The following TAOK1 variants were observed in gnomAD, a reference collection of about 807,000 sequenced individuals.
TAOK1 encodes the protein TAO kinase 1.
In TAOK1, 21 loss-of-function variants were observed where a neutral mutation model predicts 138.3. That is an observed-to-expected ratio of 0.15 (90% confidence interval 0.11 to 0.22). The LOEUF (loss-of-function observed/expected upper bound fraction) is 0.22, where lower values mean the gene tolerates loss of function less well. Ranked by LOEUF, TAOK1 falls within the 10% of genes least tolerant of loss-of-function variation. The probability of loss-of-function intolerance (pLI) is 1.00; values close to 1 mark genes in which losing one functional copy is unlikely to be tolerated. For synonymous variants in TAOK1, 361 were observed against 398.4 expected (o/e 0.91, Z 1.12); for missense variants, 651 against 1,227.7 (o/e 0.53, Z 7.02).
chr17:29,446,813 A>G (rs1350233855), intron 1 of TAOK1, among the ~76,000 whole-genome samples: 1 of 147,128 alleles, frequency 6.8e-6, no homozygotes, highest in Non-Finnish European at 1.5e-5. Context: ...ATCTCAGCTC[A>G]CTGCAGCCTC....
At chr17:29,424,455 A>AG (rs1338800115) in intron 1 of TAOK1, among the ~76,000 whole-genome samples, 5 of 151,642 alleles carry the variant, frequency 3.3e-5, no homozygotes, top group African/African-American at 1.2e-4. Flanking sequence ...AAAAAAAAAA[A>AG]AAAGACAAAT....
Position 29,530,542 on chromosome 17 carries a change from G to A in TAOK1, c.2284G>A (p.Glu762Lys). 1 of 1,614,144 alleles carries A rather than the reference G, an allele frequency of 6.2e-7. No homozygotes were observed. The highest frequency in any genetic ancestry group is 8.5e-7 in the Non-Finnish European group (1 of 1,180,050). Residue 762 changes from glutamate to lysine, a missense_variant, in exon 18 of 20, where the codon GAG (glutamate) becomes AAG (lysine). Transcript: ENST00000261716. Reference protein sequence around the residue: ...EHKAVLKRLKEEQTRKLAILA... With the variant: ...EHKAVLKRLKKEQTRKLAILA... The stretch of plus-strand genomic sequence containing the variant: ...CAAAGCTGTTCTGAAACGGCTCAAG[G>A]AGGAACAGACCCGGAAATTAGCTAT...
chr17:29,415,899 G>C (rs1905254064), intron 1 of TAOK1, among the ~76,000 whole-genome samples: 1 of 152,130 alleles, frequency 6.6e-6, no homozygotes, highest in South Asian at 2.1e-4. Flanking sequence ...GGTTTTTCTT[G>C]CTTCAAATAT....
chr17:29,404,791 A>G (rs868761452), intron 1 of TAOK1, among the ~76,000 whole-genome samples: 1 of 152,332 alleles, frequency 6.6e-6, no homozygotes, highest in Non-Finnish European at 1.5e-5. Flanking sequence ...CTGTGTCTAA[A>G]TAAATAAATA....
Position 29,480,380 on chromosome 17 carries a change from A to G in TAOK1, c.462A>G (p.Ala154=). 2 of 1,612,280 alleles carry G rather than the reference A, an allele frequency of 1.2e-6. No homozygotes were observed. Among genetic ancestry groups the G allele is most frequent in the African/African-American group, 1.3e-5 (1 of 75,006 alleles). Reference sequence around the variant, plus strand: ...TCCCTAAACCTAGAGATATCAAAGCAGGAAATATCCTTCTGACAGAACCAG... The same window carrying G: ...TCCCTAAACCTAGAGATATCAAAGCGGGAAATATCCTTCTGACAGAACCAG... ...SHTMIHRDIK[A]GNILLTEPGQ... is the part of the protein sequence containing the mutation. The change falls in exon 7 of 20, where the codon GCA becomes GCG. Residue 154 remains alanine (A), a synonymous_variant. Transcript: ENST00000261716.
At chr17:29,414,994 C>T (rs116300728) in intron 1 of TAOK1, among the ~76,000 whole-genome samples, 1,633 of 151,874 alleles carry the variant, frequency 0.011, 37 homozygotes, top group African/African-American at 0.037. Flanking sequence ...AACGGAATTT[C>T]GCTCTGTTGC....
intron 1 of TAOK1, among the ~76,000 whole-genome samples, chr17:29,395,938 G>A (rs1904587236): frequency 6.7e-6 from 1 of 148,508 alleles, no homozygotes; most frequent in Non-Finnish European, 1.5e-5. Context: ...AAAGTGCTGA[G>A]ATTACAGACA....
chr17:29,392,811 A>G (rs534260828), intron 1 of TAOK1, among the ~76,000 whole-genome samples: 1 of 152,310 alleles, frequency 6.6e-6, no homozygotes, highest in East Asian at 1.9e-4. Context: ...AATGCCATCT[A>G]CATTTTATGT....
At chr17:29,489,143 G>A (rs2031243771) in intron 8 of TAOK1, among the ~76,000 whole-genome samples, 2 of 152,168 alleles carry the variant, frequency 1.3e-5, no homozygotes, top group Admixed American at 6.6e-5. Context: ...ATACACTCAA[G>A]TATATATTAA....
At position 29,498,462 on chromosome 17, in the gene TAOK1, G is replaced by C. The variant is rs1374489074; in HGVS notation, c.1144G>C (p.Asp382His). ...PDVSDDKSEL[D>H]MMEGDHTVMS... is the part of the protein sequence containing the mutation. Reference sequence around the variant, plus strand: ...TGTCTCAGATGACAAGAGTGAGCTAGACATGATGGAGGGAGACCACACAGT... The same window carrying C: ...TGTCTCAGATGACAAGAGTGAGCTACACATGATGGAGGGAGACCACACAGT... Residue 382 changes from aspartate (D) to histidine (H), a missense_variant, in exon 12 of 20, where the codon GAC becomes CAC. Asp to His is a moderately conservative substitution (Grantham distance 81, BLOSUM62 -1). This residue lies in a region of TAOK1 where 104 missense variants were observed against 151.7 expected (regional missense o/e 0.69). Coordinates refer to ENST00000261716, the MANE Select transcript of TAOK1 (RefSeq NM_020791.4). 6.2e-7 allele frequency: 1 copy of C among 1,614,214 alleles called. No homozygotes were observed. The highest frequency in any genetic ancestry group is 1.7e-5 in the Admixed American group (1 of 60,022).
intron 16 of TAOK1, among the ~76,000 whole-genome samples, chr17:29,518,109 G>T (rs1361128747): frequency 1.3e-5 from 2 of 152,162 alleles, no homozygotes; most frequent in African/African-American, 4.8e-5. Flanking sequence ...GCCCGTCTCA[G>T]CCTCCCAAAG....
intron 12 of TAOK1, 23 bp downstream of exon 12, chr17:29,498,544 AAG>A (rs1338236005): frequency 3.1e-6 from 5 of 1,605,386 alleles, no homozygotes; most frequent in Non-Finnish European, 4.3e-6. Flanking sequence ...ATTTCAATGA[AAG>A]AAATTCAATG....
chr17:29,489,977 A>C (rs753680821), intron 9 of TAOK1, among the ~76,000 whole-genome samples: 2 of 152,122 alleles, frequency 1.3e-5, no homozygotes, highest in African/African-American at 4.8e-5. Flanking sequence ...ATGATGTCAC[A>C]TGAATGCAAA....
chr17:29,410,629 T>G (rs544090692), intron 1 of TAOK1, among the ~76,000 whole-genome samples: 1 of 150,462 alleles, frequency 6.6e-6, no homozygotes, highest in East Asian at 1.9e-4. Context: ...GTTTTTTTTT[T>G]TTTTGGTTTT....
At chr17:29,438,052 T>C (rs1906094841) in intron 1 of TAOK1, among the ~76,000 whole-genome samples, 1 of 152,104 alleles carries the variant, frequency 6.6e-6, no homozygotes, top group South Asian at 2.1e-4. Flanking sequence ...TTATATTCTA[T>C]GGGGAAAATG....
chr17:29,446,116 T>C (rs1474324819), intron 1 of TAOK1, among the ~76,000 whole-genome samples: 1 of 152,084 alleles, frequency 6.6e-6, no homozygotes, highest in Non-Finnish European at 1.5e-5. Context: ...ATATACTCTC[T>C]TTTGTTTGCA....
chr17:29,519,979 G>T (rs1220247078), intron 16 of TAOK1, among the ~76,000 whole-genome samples: 1 of 151,986 alleles, frequency 6.6e-6, no homozygotes, highest in Admixed American at 6.6e-5. Flanking sequence ...AGAGTTCGAG[G>T]ACAGCCTGGT....
chr17:29,481,727 A>G (rs1157664837), intron 7 of TAOK1, among the ~76,000 whole-genome samples: 2 of 152,038 alleles, frequency 1.3e-5, no homozygotes, highest in Non-Finnish European at 2.9e-5. Flanking sequence ...TGGGAGGCCA[A>G]GGCGGGCGGA....
chr17:29,532,943 C>T (rs1254781279), intron 18 of TAOK1, among the ~76,000 whole-genome samples: 5 of 137,482 alleles, frequency 3.6e-5, no homozygotes, highest in African/African-American at 1.4e-4. Flanking sequence ...GGGGGCTGAC[C>T]CCCCCACCTC....
Sources: gnomAD v4.1 joint callset for allele counts (sites outside exome capture counted in the v4.1 genomes callset) on GRCh38, gnomAD v4.1.1 for gene constraint, gnomAD v4.1.1 regional missense constraint, MANE v1.5 for transcripts, NCBI Gene and HGNC (gene_info 2026-07-23, HGNC 2026-07-21) for gene names.